The following BBS9 variants were observed in gnomAD, a reference collection of about 807,000 sequenced individuals.
The protein encoded by BBS9 is Bardet-Biedl syndrome 9, also known as protein PTHB1.
BBS9 carries 89 observed loss-of-function variants against 117.7 expected under a neutral mutation model. The ratio of observed to expected loss-of-function variants is 0.76; its 90% CI spans 0.64 to 0.90. BBS9 has a LOEUF of 0.90. BBS9 is among the 40% of genes least tolerant of loss of function. BBS9 has a pLI of 0.00. For synonymous variants in BBS9, 379 were observed against 370.9 expected, an observed-to-expected ratio of 1.02 and a Z score of -0.25; for missense variants, 982 against 1,042.2, an observed-to-expected ratio of 0.94 and a Z score of 0.80.
At chr7:33,470,935 G>A (rs1840935078) in intron 19 of BBS9, among the ~76,000 whole-genome samples, 1 of 152,148 alleles carries the variant, frequency 6.6e-6, no homozygotes, top group Non-Finnish European at 1.5e-5. Context: ...CTGAGAAATA[G>A]ATACTGCTGA....
At chr7:33,563,040 A>G (rs1856328756) in intron 21 of BBS9, among the ~76,000 whole-genome samples, 1 of 152,192 alleles carries the variant, frequency 6.6e-6, no homozygotes, top group African/African-American at 2.4e-5. Context: ...GAGTATAGGT[A>G]TAATTATTAT....
chr7:33,269,521 C>G (rs190038519), intron 7 of BBS9, among the ~76,000 whole-genome samples: 1 of 152,268 alleles, frequency 6.6e-6, no homozygotes, highest in East Asian at 1.9e-4. Flanking sequence ...TGCCTCTAAG[C>G]TGGGGAGGGA....
rs779588488 is a variant in BBS9, at chr7:33,257,335, C to G, written c.542C>G (p.Pro181Arg). The G allele has an allele frequency of 6.2e-7, 1 of 1,613,912 alleles. No individual in the cohort carries two copies. Among genetic ancestry groups the G allele is most frequent in the South Asian group, 1.1e-5 (1 of 91,070 alleles). ...FGRFLPGFLL[P>R]GPLAYSSRTD... The stretch of plus-strand genomic sequence containing the variant: ...AGATTTCTCCCTGGCTTTCTTCTGC[C>G]TGGTCCTCTTGCCTACAGTTCCCGT... Residue 181 changes from proline to arginine, a missense_variant, in exon 6 of 23, where the codon CCT becomes CGT. Pro to Arg is a moderately radical substitution (Grantham distance 103). Coordinates refer to ENST00000242067, the MANE Select transcript of BBS9 (RefSeq NM_198428.3).
At chr7:33,427,872 A>G (rs1261451334) in intron 19 of BBS9, among the ~76,000 whole-genome samples, 1 of 152,118 alleles carries the variant, frequency 6.6e-6, no homozygotes, top group Non-Finnish European at 1.5e-5. Context: ...CCTCATAATG[A>G]CCCTAACTAG....
chr7:33,527,593 G>A (rs575703177), intron 20 of BBS9, among the ~76,000 whole-genome samples: 17 of 152,322 alleles, frequency 1.1e-4, no homozygotes, highest in African/African-American at 3.6e-4. Flanking sequence ...GCAATGCCTC[G>A]CCCTGCTTCG....
At chr7:33,543,066 C>T (rs974136203) in intron 21 of BBS9, among the ~76,000 whole-genome samples, 1 of 152,138 alleles carries the variant, frequency 6.6e-6, no homozygotes, top group Non-Finnish European at 1.5e-5. Context: ...TACTAGTTTA[C>T]ATTCCCACCA....
At chr7:33,543,940 A>G (rs1488312391) in intron 21 of BBS9, among the ~76,000 whole-genome samples, 1 of 151,876 alleles carries the variant, frequency 6.6e-6, no homozygotes, top group Non-Finnish European at 1.5e-5. Context: ...TAATTCAAAG[A>G]CCTTGTCTTC....
At chr7:33,541,557 A>G (rs1348813533) in intron 21 of BBS9, among the ~76,000 whole-genome samples, 1 of 152,176 alleles carries the variant, frequency 6.6e-6, no homozygotes, top group Admixed American at 6.5e-5. Context: ...CCAAATATCC[A>G]TCAACTGATA....
At chr7:33,129,429 T>G (rs1789238274), upstream of BBS9, 2 of 274,078 alleles carry the variant, frequency 7.3e-6, no homozygotes, top group Admixed American at 1.1e-4. Context: ...CCCGCCCCAG[T>G]AGCAATCTAA....
intron 21 of BBS9, among the ~76,000 whole-genome samples, chr7:33,592,536 C>G (rs1013494258): frequency 6.6e-6 from 1 of 151,888 alleles, no homozygotes; most frequent in Non-Finnish European, 1.5e-5. Flanking sequence ...GTAGAGTTGC[C>G]TGGGAATGAG....
intron 9 of BBS9, among the ~76,000 whole-genome samples, chr7:33,302,495 G>A (rs1051032841): frequency 2.6e-4 from 39 of 151,984 alleles, no homozygotes; most frequent in African/African-American, 9.4e-4. Flanking sequence ...TTTTGCATAC[G>A]GATATCTAGG....
chr7:33,476,279 A>G (rs765781837), intron 19 of BBS9, among the ~76,000 whole-genome samples: 4 of 151,976 alleles, frequency 2.6e-5, no homozygotes, highest in Non-Finnish European at 5.9e-5. Context: ...TTCCACTTGG[A>G]CTATTTATAT....
chr7:33,359,671 TTAGA>T lies in BBS9; in HGVS notation c.1693+1679_1693+1682del, dbSNP rs540686239. ...CACTTCACTCTGATAAAAGTAAGAC[TTAGA>T]TAAAGTTGCCATTGCAAATCTTCTG... is the stretch of plus-strand genomic sequence containing the variant. On this transcript the variant is annotated intron_variant, in intron 16 of 22. Coordinates refer to ENST00000242067, the MANE Select transcript of BBS9 (RefSeq NM_198428.3). Among the ~76,000 whole-genome samples the T allele has an allele frequency of 4.6e-5, 7 of 152,218 alleles. No homozygotes were observed. In the South Asian group the frequency reaches 1.5e-3, roughly 32 times the overall value.
intron 20 of BBS9, among the ~76,000 whole-genome samples, chr7:33,527,495 G>A (rs1849777754): frequency 6.6e-6 from 1 of 152,206 alleles, no homozygotes; most frequent in Admixed American, 6.5e-5. Context: ...TATTCGGGTG[G>A]GAGTGACCCG....
In BBS9 at chr7:33,199,588, A is replaced by AT. The variant is rs1003075315; in HGVS notation, c.442+22007dup. Among the ~76,000 whole-genome samples, 1,242 of 147,336 alleles carry AT rather than the reference A, an allele frequency of 8.4e-3. 14 individuals carry two copies. The highest frequency in any genetic ancestry group is 0.027 in the African/African-American group (1,104 of 40,452). On this transcript the variant is annotated intron_variant, in intron 5 of 22. Coordinates refer to ENST00000242067, the MANE Select transcript of BBS9 (RefSeq NM_198428.3). ...CAACTTTTTGGCTTTTCAGCAATCT[A>AT]TTTTTTTTTTAATGTTATACTTACT... is the stretch of plus-strand genomic sequence containing the variant.
At chr7:33,210,622 C>T (rs1027335561) in intron 5 of BBS9, among the ~76,000 whole-genome samples, 51 of 152,236 alleles carry the variant, frequency 3.4e-4, no homozygotes, top group East Asian at 1.9e-4. Context: ...ACTGCAACCT[C>T]GCCTCCCGGG....
intron 5 of BBS9, among the ~76,000 whole-genome samples, chr7:33,221,494 C>T (rs533485373): frequency 4.6e-4 from 70 of 151,782 alleles, no homozygotes; most frequent in African/African-American, 1.6e-3. Context: ...TTTATTCTAA[C>T]AAGAAAAAAA....
At chr7:33,238,320 C>T (rs1449319094) in intron 5 of BBS9, among the ~76,000 whole-genome samples, 9 of 151,234 alleles carry the variant, frequency 6.0e-5, no homozygotes, top group African/African-American at 1.9e-4. Context: ...GACGGAGTTT[C>T]GCTCTTGCTG....
chr7:33,507,065 GT>G (rs1846243092), intron 20 of BBS9, among the ~76,000 whole-genome samples: 1 of 152,184 alleles, frequency 6.6e-6, no homozygotes, highest in African/African-American at 2.4e-5. Flanking sequence ...TTCTGTAGCT[GT>G]AAGATGGAAA....
Sources: gnomAD v4.1 joint callset for allele counts (sites outside exome capture counted in the v4.1 genomes callset) on GRCh38, gnomAD v4.1.1 for gene constraint, MANE v1.5 for transcripts, NCBI Gene and HGNC (gene_info 2026-07-23, HGNC 2026-07-21) for gene names.